KCNIP4: variants seen among roughly 807,000 people sequenced by gnomAD.
The protein encoded by KCNIP4 is potassium voltage-gated channel interacting protein 4.
A neutral mutation model predicts 34.0 loss-of-function variants in KCNIP4; 12 were observed. The ratio of observed to expected loss-of-function variants is 0.35; its 90% CI spans 0.23 to 0.57. The LOEUF (loss-of-function observed/expected upper bound fraction) is 0.57. Ranked by LOEUF, KCNIP4 falls within the 20% of genes least tolerant of loss-of-function variation. KCNIP4 has a pLI of 0.83. For missense variants in KCNIP4, 238 were observed against 311.7 expected (o/e 0.76, Z 1.78); for synonymous variants, 124 against 102.2 (o/e 1.21, Z -1.29).
intron 1 of KCNIP4, among the ~76,000 whole-genome samples, chr4:21,485,389 C>G (rs1731812920): frequency 6.6e-6 from 1 of 152,128 alleles, no homozygotes; most frequent in African/African-American, 2.4e-5. Context: ...CTAAATTTAT[C>G]TCCTGCTAGC....
intron 1 of KCNIP4, among the ~76,000 whole-genome samples, chr4:21,080,232 T>A (rs1206448303): frequency 6.6e-6 from 1 of 151,856 alleles, no homozygotes; most frequent in Non-Finnish European, 1.5e-5. Flanking sequence ...AATTTTTACA[T>A]GACTATTTCC....
chr4:21,716,670 G>A (rs1714413099), intron 1 of KCNIP4, among the ~76,000 whole-genome samples: 1 of 152,174 alleles, frequency 6.6e-6, no homozygotes, highest in Admixed American at 6.5e-5. Flanking sequence ...CCCCCAACGA[G>A]TGAGTCAATT....
intron 1 of KCNIP4, among the ~76,000 whole-genome samples, chr4:21,247,741 T>TATATATATATATATATATATATAC (rs1760349096): frequency 8.4e-6 from 1 of 118,962 alleles, no homozygotes; most frequent in South Asian, 2.5e-4. Context: ...GGTGGATATA[T>TATATATATATATATATATATATAC]ATATATATAT....
At chr4:21,508,214 TC>T (rs57649189) in intron 1 of KCNIP4, among the ~76,000 whole-genome samples, 1,656 of 152,246 alleles carry the variant, frequency 0.011, 31 homozygotes, top group African/African-American at 0.038. Flanking sequence ...TACTTTCTCA[TC>T]AATTACAACA....
intron 3 of KCNIP4, among the ~76,000 whole-genome samples, chr4:20,822,457 A>G (rs1717224988): frequency 1.3e-5 from 2 of 152,326 alleles, no homozygotes; most frequent in Non-Finnish European, 2.9e-5. Context: ...AAAAGGGAAT[A>G]CTTTTACACA....
At position 20,933,184 on chromosome 4, in the gene KCNIP4, C is replaced by T. The variant is rs190197780; in HGVS notation, c.62-50475G>A. ...ACCTAAACCTGGAAGGCAGAGGTTG[C>T]AGTGAGCTGAGATCATGCCATTGCA... On this transcript the variant is annotated intron_variant, in intron 1 of 8. Transcript: ENST00000382152. Among the ~76,000 whole-genome samples the T allele has an allele frequency of 4.7e-3, 712 of 152,154 alleles. 12 individuals are homozygous for T. The highest frequency in any genetic ancestry group is 4.7e-3 in the Non-Finnish European group (320 of 68,016).
intron 1 of KCNIP4, among the ~76,000 whole-genome samples, chr4:21,477,187 C>A (rs1275920326): frequency 6.6e-6 from 1 of 152,136 alleles, no homozygotes; most frequent in Non-Finnish European, 1.5e-5. Context: ...GCCAATTATT[C>A]TTCAGTTTTT....
At chr4:20,731,589 C>CAGAT (rs1748227156) in intron 8 of KCNIP4, 1 of 985,316 alleles carries the variant, frequency 1.0e-6, no homozygotes, top group Non-Finnish European at 1.2e-6. Flanking sequence ...TCTTAGAAAT[C>CAGAT]AGATAGAAGC....
intron 1 of KCNIP4, among the ~76,000 whole-genome samples, chr4:21,745,559 T>A (rs934363103): frequency 6.6e-6 from 1 of 152,078 alleles, no homozygotes; most frequent in African/African-American, 2.4e-5. Context: ...CTTTTGTGAG[T>A]CTGTACTCTC....
At chr4:21,077,282 A>C (rs1355853820) in intron 1 of KCNIP4, among the ~76,000 whole-genome samples, 1 of 152,154 alleles carries the variant, frequency 6.6e-6, no homozygotes, top group Non-Finnish European at 1.5e-5. Flanking sequence ...TGATTCTTGG[A>C]AAATTCTATA....
chr4:21,773,360 T>C (rs1294470668), intron 1 of KCNIP4, among the ~76,000 whole-genome samples: 2 of 152,202 alleles, frequency 1.3e-5, no homozygotes, highest in Admixed American at 6.5e-5. Context: ...TTAGAATAAG[T>C]GCCATGTGGC....
At chr4:21,193,733 G>C (rs1326190213) in intron 1 of KCNIP4, among the ~76,000 whole-genome samples, 1 of 151,776 alleles carries the variant, frequency 6.6e-6, no homozygotes, top group Non-Finnish European at 1.5e-5. Flanking sequence ...CACCACGCCC[G>C]GCTAATTTTT....
intron 1 of KCNIP4, among the ~76,000 whole-genome samples, chr4:20,906,436 C>T (rs139941029): frequency 1.1e-3 from 161 of 152,240 alleles, no homozygotes; most frequent in African/African-American, 3.2e-3. Context: ...CTAGTTCTAA[C>T]GAAAAAGCCC....
At chr4:21,436,816 T>A (rs1726978931) in intron 1 of KCNIP4, among the ~76,000 whole-genome samples, 1 of 152,190 alleles carries the variant, frequency 6.6e-6, no homozygotes, top group Non-Finnish European at 1.5e-5. Flanking sequence ...TGAATTATTA[T>A]CACTATTCTG....
intron 3 of KCNIP4, among the ~76,000 whole-genome samples, chr4:20,806,468 T>C (rs968869414): frequency 5.9e-5 from 9 of 152,050 alleles, no homozygotes; most frequent in African/African-American, 1.9e-4. Flanking sequence ...TTGCAACTTG[T>C]TTTCTTTTCA....
chr4:20,835,755 C>A (rs1469191969), intron 3 of KCNIP4, among the ~76,000 whole-genome samples: 1 of 151,678 alleles, frequency 6.6e-6, no homozygotes, highest in African/African-American at 2.4e-5. Context: ...TTCTTAACAC[C>A]CCCCAATCTC....
chr4:21,143,996 C>T (rs1453749392), intron 1 of KCNIP4, among the ~76,000 whole-genome samples: 1 of 152,140 alleles, frequency 6.6e-6, no homozygotes, highest in East Asian at 1.9e-4. Context: ...GCGTGAGCCA[C>T]CGCGCCAGGC....
At chr4:21,637,778 C>A (rs1388399488) in intron 1 of KCNIP4, among the ~76,000 whole-genome samples, 12 of 93,288 alleles carry the variant, frequency 1.3e-4, no homozygotes, top group South Asian at 4.3e-4. Context: ...AACAAAAGTC[C>A]GTCTCAAAAA....
intron 1 of KCNIP4, among the ~76,000 whole-genome samples, chr4:21,670,455 A>T (rs1749387150): frequency 1.3e-5 from 2 of 150,372 alleles, no homozygotes; most frequent in African/African-American, 4.9e-5. Context: ...TAGCATTGGG[A>T]GATATACCTA....
Sources: gnomAD v4.1 joint callset for allele counts (sites outside exome capture counted in the v4.1 genomes callset) on GRCh38, gnomAD v4.1.1 for gene constraint, MANE v1.5 for transcripts, NCBI Gene and HGNC (gene_info 2026-07-23, HGNC 2026-07-21) for gene names.